RIT2: variants seen among roughly 807,000 people sequenced by gnomAD.
The protein encoded by RIT2 is Ras like without CAAX 2, also known as GTP-binding protein Rit2.
Under a neutral mutation model 23.7 loss-of-function variants are expected in RIT2, and 24 were observed. The observed-to-expected ratio is 1.01, with a 90% CI of 0.73 to 1.43. The LOEUF (loss-of-function observed/expected upper bound fraction) is 1.43, where lower values mean the gene tolerates loss of function less well. Ranked by LOEUF, RIT2 falls within the 40% of genes most tolerant of loss-of-function variation. The pLI is 0.00. For synonymous variants in RIT2, 107 were observed against 91.1 expected, an observed-to-expected ratio of 1.17 and a Z score of -0.99; for missense variants, 236 against 266.9, an observed-to-expected ratio of 0.88 and a Z score of 0.81.
intron 4 of RIT2, among the ~76,000 whole-genome samples, chr18:42,878,873 T>G (rs1276755205): frequency 1.3e-5 from 2 of 150,328 alleles, no homozygotes; most frequent in Non-Finnish European, 3.0e-5. Context: ...TCATCTATTT[T>G]CCTCATATCT....
intron 1 of RIT2, 44 bp from the exon 2 acceptor site, chr18:43,033,911 T>C: frequency 7.5e-7 from 1 of 1,341,014 alleles, no homozygotes; most frequent in Non-Finnish European, 1.1e-6. Context: ...AATTCACTAA[T>C]TCATCAATAA....
intron 4 of RIT2, among the ~76,000 whole-genome samples, chr18:42,800,837 C>T (rs1375535637): frequency 3.3e-5 from 5 of 152,184 alleles, no homozygotes; most frequent in Non-Finnish European, 7.4e-5. Flanking sequence ...GGCCAGCATT[C>T]TTTCTTCTCC....
rs72893352 is a variant in RIT2, at chr18:42,953,874, T to G, written c.234+20200A>C. ...ATATCTAGAGAGCCCTTCCAACTAT[T>G]ATGCTCGAGGCTGAGCTGAGATCTC... On this transcript the variant is annotated intron_variant, in intron 3 of 4. Coordinates refer to ENST00000326695, the MANE Select transcript of RIT2 (RefSeq NM_002930.4). Among the ~76,000 whole-genome samples, 734 of 152,242 alleles carry G rather than the reference T, an allele frequency of 4.8e-3. 5 individuals are homozygous for G. The highest frequency in any genetic ancestry group is 5.6e-3 in the Non-Finnish European group (380 of 68,012).
At chr18:42,973,237 T>C (rs915556567) in intron 3 of RIT2, among the ~76,000 whole-genome samples, 1 of 151,664 alleles carries the variant, frequency 6.6e-6, no homozygotes, top group African/African-American at 2.4e-5. Flanking sequence ...GACAGAGAGA[T>C]TTATTTATTT....
chr18:42,868,893 TAAAAC>T (rs1907543061), intron 4 of RIT2, among the ~76,000 whole-genome samples: 1 of 152,186 alleles, frequency 6.6e-6, no homozygotes, highest in African/African-American at 2.4e-5. Flanking sequence ...ACACCAATTA[TAAAAC>T]GTCTGTGACA....
At chr18:42,934,871 T>C (rs1909413390) in intron 3 of RIT2, among the ~76,000 whole-genome samples, 1 of 152,136 alleles carries the variant, frequency 6.6e-6, no homozygotes, top group South Asian at 2.1e-4. Flanking sequence ...CAAAGTGCAA[T>C]TGAAATCACA....
intron 4 of RIT2, among the ~76,000 whole-genome samples, chr18:42,851,328 A>T (rs1907049167): frequency 2.0e-5 from 3 of 152,210 alleles, no homozygotes; most frequent in African/African-American, 7.2e-5. Context: ...TGTATTCAAT[A>T]ATTTAATTTT....
chr18:42,915,350 A>G (rs972982298), intron 4 of RIT2, among the ~76,000 whole-genome samples: 5 of 152,018 alleles, frequency 3.3e-5, no homozygotes, highest in Admixed American at 1.3e-4. Flanking sequence ...CTCACTCAGT[A>G]TTTATTTCCT....
intron 1 of RIT2, among the ~76,000 whole-genome samples, chr18:43,102,187 T>C (rs1028898949): frequency 3.3e-5 from 5 of 152,310 alleles, no homozygotes; most frequent in Middle Eastern, 3.4e-3. Context: ...TTAAATCTTA[T>C]GCAGAATGAT....
chr18:42,938,024 GATAA>G (rs1304459702), intron 3 of RIT2, among the ~76,000 whole-genome samples: 1 of 152,116 alleles, frequency 6.6e-6, no homozygotes, highest in Non-Finnish European at 1.5e-5. Context: ...AGGCACAGTA[GATAA>G]ATAGAAGGAT....
chr18:42,793,138 T>C (rs1167724317), intron 4 of RIT2, among the ~76,000 whole-genome samples: 1 of 152,208 alleles, frequency 6.6e-6, no homozygotes, highest in Non-Finnish European at 1.5e-5. Context: ...GAATGGACTC[T>C]AATATAAGAC....
chr18:42,795,626 G>A (rs368394180), intron 4 of RIT2, among the ~76,000 whole-genome samples: 4 of 152,260 alleles, frequency 2.6e-5, no homozygotes, highest in Admixed American at 6.5e-5. Flanking sequence ...GGCGCGGCAC[G>A]GGACTGGCAG....
chr18:42,991,299 T>C (rs185432221), intron 2 of RIT2, among the ~76,000 whole-genome samples: 39 of 152,330 alleles, frequency 2.6e-4, no homozygotes, highest in African/African-American at 9.1e-4. Flanking sequence ...TTTGAATTTC[T>C]GGGAAGAAGA....
At chr18:43,104,936 TA>T (rs1298900638) in intron 1 of RIT2, among the ~76,000 whole-genome samples, 3 of 152,196 alleles carry the variant, frequency 2.0e-5, no homozygotes, top group Non-Finnish European at 4.4e-5. Context: ...CATGTCATAT[TA>T]CTCAAAATTT....
chr18:42,773,946 G>T (rs963364705), intron 4 of RIT2, among the ~76,000 whole-genome samples: 3 of 151,998 alleles, frequency 2.0e-5, no homozygotes, highest in Non-Finnish European at 4.4e-5. Flanking sequence ...CATTTACTTG[G>T]TTTTCCTCTA....
intron 2 of RIT2, among the ~76,000 whole-genome samples, chr18:43,024,569 T>G (rs2144269688): frequency 6.6e-6 from 1 of 152,148 alleles, no homozygotes; most frequent in South Asian, 2.1e-4. Context: ...AGATAGAACT[T>G]AATTAAACTA....
chr18:42,777,127 A>AG (rs1913690468), intron 4 of RIT2, among the ~76,000 whole-genome samples: 1 of 152,034 alleles, frequency 6.6e-6, no homozygotes, highest in Non-Finnish European at 1.5e-5. Flanking sequence ...TTGGGTGAAT[A>AG]ATGTGCTATT....
chr18:42,911,684 A>T (rs1908773494), intron 4 of RIT2, among the ~76,000 whole-genome samples: 1 of 152,156 alleles, frequency 6.6e-6, no homozygotes, highest in South Asian at 2.1e-4. Flanking sequence ...TCAGTTCAGT[A>T]AGGTGGAAGG....
intron 3 of RIT2, among the ~76,000 whole-genome samples, chr18:42,933,706 T>C (rs926408679): frequency 5.3e-5 from 8 of 152,134 alleles, no homozygotes; most frequent in African/African-American, 1.9e-4. Context: ...CTCCCAGCCA[T>C]GCTGAACTGT....
Sources: gnomAD v4.1 joint callset for allele counts (sites outside exome capture counted in the v4.1 genomes callset) on GRCh38, gnomAD v4.1.1 for gene constraint, MANE v1.5 for transcripts, NCBI Gene and HGNC (gene_info 2026-07-23, HGNC 2026-07-21) for gene names.